SMIM24: variants seen among roughly 807,000 people sequenced by gnomAD.
SMIM24 encodes small integral membrane protein 24, also known as MAP17-related dimer.
A neutral mutation model predicts 10.8 loss-of-function variants in SMIM24; 6 were observed. That is an observed-to-expected ratio of 0.55 (90% CI 0.30 to 1.09). The LOEUF is 1.09. Among genes scored for constraint, SMIM24 ranks in the 50% least tolerant of loss-of-function variants. The pLI is 0.06. For synonymous variants in SMIM24, 71 were observed against 62.4 expected (o/e 1.14, Z -0.65); for missense variants, 151 against 153.4 (o/e 0.98, Z 0.08).
At chr19:3,477,305 T>TG (rs201323700) in intron 3 of SMIM24, among the ~76,000 whole-genome samples, 19 of 92,180 alleles carry the variant, frequency 2.1e-4, no homozygotes, top group African/African-American at 4.3e-4. Context: ...GATGGATGGA[T>TG]GATAGACAGA....
intron 3 of SMIM24, among the ~76,000 whole-genome samples, chr19:3,475,599 G>T (rs1205428293): frequency 4.7e-5 from 7 of 149,078 alleles, no homozygotes; most frequent in African/African-American, 1.7e-4. Context: ...GGGTGGGTGG[G>T]TGGATGGGTG....
At chr19:3,475,031 A>G in intron 3 of SMIM24, 35 bp from the exon 4 acceptor site, 1 of 1,544,994 alleles carries the variant, frequency 6.5e-7, no homozygotes, top group Non-Finnish European at 8.7e-7. Context: ...CCATAATAAG[A>G]AACAGAGACA....
intron 3 of SMIM24, among the ~76,000 whole-genome samples, chr19:3,477,248 A>G: frequency 1.1e-5 from 1 of 91,522 alleles, no homozygotes; most frequent in Non-Finnish European, 2.2e-5. Context: ...TGGTGAATGG[A>G]TGGGTTGGGG....
At chr19:3,476,597 T>C (rs1414712081) in intron 3 of SMIM24, among the ~76,000 whole-genome samples, 1 of 152,070 alleles carries the variant, frequency 6.6e-6, no homozygotes, top group East Asian at 1.9e-4. Flanking sequence ...AGCCAGGTCT[T>C]AGACAAAGCC....
chr19:3,480,282 T>C, intron 1 of SMIM24, 115 bp downstream of exon 1: 1 of 1,104,348 alleles, frequency 9.1e-7, no homozygotes. Context: ...TCCAAGCCAC[T>C]CTTCCTTTTC....
At chr19:3,476,678 C>G (rs2082793139) in intron 3 of SMIM24, among the ~76,000 whole-genome samples, 1 of 152,122 alleles carries the variant, frequency 6.6e-6, no homozygotes, top group African/African-American at 2.4e-5. Context: ...CTGGTCACCT[C>G]CCAGCTCCCA....
chr19:3,478,977 G>A, intron 1 of SMIM24, 48 bp from the exon 2 acceptor site: 1 of 1,442,354 alleles, frequency 6.9e-7, no homozygotes. Context: ...AAGGTCAGAA[G>A]ACCCCCTTCC....
chr19:3,479,528 G>T (rs527613725), intron 1 of SMIM24, among the ~76,000 whole-genome samples: 2 of 149,594 alleles, frequency 1.3e-5, no homozygotes, highest in African/African-American at 4.9e-5. Context: ...AGGGGAGAGG[G>T]TCTCAGAGTG....
chr19:3,475,035 A>G (rs1568214875), intron 3 of SMIM24, 39 bp from the exon 4 acceptor site: 1 of 1,544,180 alleles, frequency 6.5e-7, no homozygotes, highest in Admixed American at 2.0e-5. Flanking sequence ...AATAAGAAAC[A>G]GAGACACTCC....
chr19:3,474,186 A>G lies in SMIM24; in HGVS notation c.*657T>C, dbSNP rs2082783715. ...CCCCAAAACAAAGTGAGGTGGGGGA[A>G]GGAGCAAAGATTTGCTTGGAGACGG... On this transcript the variant is annotated 3_prime_UTR_variant, in exon 4 of 4. Transcript: ENST00000215531. The G allele has an allele frequency of 2.0e-5, 3 of 151,416 alleles. No individual in the cohort carries two copies. In the Admixed American group the frequency reaches 2.0e-4, roughly 10 times the overall value. The allele number at this position is 151,416 out of a possible 1,614,324, so 9.4% of individuals were successfully genotyped here. A position where few individuals can be genotyped will look rare whatever the true frequency, so the allele number is the denominator to read the frequency against.
intron 3 of SMIM24, among the ~76,000 whole-genome samples, chr19:3,478,034 A>G (rs2082801044): frequency 6.6e-6 from 1 of 152,148 alleles, no homozygotes; most frequent in South Asian, 2.1e-4. Flanking sequence ...GTCTTCTTCA[A>G]CAGGTATTTA....
chr19:3,477,296 AT>A, intron 3 of SMIM24, among the ~76,000 whole-genome samples: 1 of 112,896 alleles, frequency 8.9e-6, no homozygotes, highest in Non-Finnish European at 1.8e-5. Context: ...GGATGGATGG[AT>A]GGATGGATGA....
intron 3 of SMIM24, among the ~76,000 whole-genome samples, chr19:3,476,823 T>A (rs1273226240): frequency 7.4e-6 from 1 of 135,296 alleles, no homozygotes; most frequent in Non-Finnish European, 1.5e-5. Context: ...GGTGGATGAA[T>A]GAGTGAATAG....
chr19:3,476,434 G>A (rs1417168559), intron 3 of SMIM24, among the ~76,000 whole-genome samples: 1 of 151,794 alleles, frequency 6.6e-6, no homozygotes, highest in Non-Finnish European at 1.5e-5. Context: ...AGGACTGCAC[G>A]GGCAGACTGA....
At chr19:3,480,045 T>G (rs1374557656) in intron 1 of SMIM24, among the ~76,000 whole-genome samples, 6 of 133,906 alleles carry the variant, frequency 4.5e-5, no homozygotes, top group East Asian at 2.2e-4. Context: ...GGAGGAGGAG[T>G]GAGAAGGAGC....
intron 3 of SMIM24, 44 bp downstream of exon 3, chr19:3,478,375 G>A (rs548518838): frequency 4.8e-5 from 73 of 1,510,546 alleles, no homozygotes; most frequent in Non-Finnish European, 5.8e-5. Context: ...CCCCCACCCC[G>A]AGGAGGGGTT....
chr19:3,478,582 G>C (rs2082803101), intron 2 of SMIM24, 104 bp from the exon 3 acceptor site: 1 of 1,151,914 alleles, frequency 8.7e-7, no homozygotes, highest in East Asian at 2.6e-5. Flanking sequence ...CAACCTCCCA[G>C]CCGGGGCTCA....
intron 1 of SMIM24, among the ~76,000 whole-genome samples, chr19:3,479,457 G>A (rs566284015): frequency 2.0e-5 from 3 of 150,692 alleles, no homozygotes; most frequent in Admixed American, 6.6e-5. Flanking sequence ...GCTTATAAAA[G>A]GAGGCAGAGG....
In SMIM24 at chr19:3,474,742, C is replaced by G. The variant is rs1247741402; in HGVS notation, c.*101G>C. 7 of 1,400,478 alleles carry G rather than the reference C, an allele frequency of 5.0e-6. No individual in the cohort carries two copies. The African/African-American group carries it at 7.3e-5, about 15-fold the overall frequency. 86.8% of individuals were successfully genotyped at this position (1,400,478 alleles called of 1,614,324 possible). Reference sequence around the variant, plus strand: ...ACTTGAGAACACTGTATTCTGAATCCCAGATGGAGTCATTTCACGGGCTTC... The same window carrying G: ...ACTTGAGAACACTGTATTCTGAATCGCAGATGGAGTCATTTCACGGGCTTC... On this transcript the variant is annotated 3_prime_UTR_variant, in exon 4 of 4. Coordinates refer to ENST00000215531, the MANE Select transcript of SMIM24 (RefSeq NM_001136503.2).
Sources: gnomAD v4.1 joint callset for allele counts (sites outside exome capture counted in the v4.1 genomes callset) on GRCh38, gnomAD v4.1.1 for gene constraint, MANE v1.5 for transcripts, NCBI Gene and HGNC (gene_info 2026-07-23, HGNC 2026-07-21) for gene names.